Variants in TENM3 observed in about 807,000 individuals in gnomAD.
TENM3 encodes the protein teneurin-3.
TENM3 carries 63 observed loss-of-function variants against 255.1 expected under a neutral mutation model. The observed-to-expected ratio is 0.25, with a 90% CI of 0.20 to 0.30. The LOEUF is 0.30. Ranked by LOEUF, TENM3 falls within the 10% of genes least tolerant of loss-of-function variation. The pLI is 1.00. For synonymous variants in TENM3, 1,306 were observed against 1,322.3 expected (o/e 0.99, Z 0.27); for missense variants, 2,929 against 3,461.1 (o/e 0.85, Z 3.86).
At chr4:181,847,795 G>A in the TENM3 span, among the ~76,000 whole-genome samples, 23 of 151,972 alleles carry the variant, frequency 1.5e-4, no homozygotes, top group African/African-American at 5.5e-4. Context: ...TTGTATATTA[G>A]ACCTAAATTA....
chr4:182,778,066 C>T (rs28369398), intron 24 of TENM3, among the ~76,000 whole-genome samples: 13,066 of 151,990 alleles, frequency 0.086, 1,918 homozygotes, highest in African/African-American at 0.3. Context: ...TACTTGTTTG[C>T]AGCTCATTTT....
At chr4:181,935,386 C>A in the TENM3 span, among the ~76,000 whole-genome samples, 2 of 152,260 alleles carry the variant, frequency 1.3e-5, no homozygotes, top group African/African-American at 4.8e-5. Context: ...TATAAGCCAC[C>A]ATAGCCTGCT....
At chr4:182,133,875 A>G in the TENM3 span, among the ~76,000 whole-genome samples, 1 of 152,228 alleles carries the variant, frequency 6.6e-6, no homozygotes, top group Non-Finnish European at 1.5e-5. Flanking sequence ...TATTTAACCC[A>G]GGGCAATATT....
chr4:181,854,007 T>C, the TENM3 span, among the ~76,000 whole-genome samples: 5 of 152,348 alleles, frequency 3.3e-5, no homozygotes, highest in African/African-American at 1.2e-4. Context: ...CTGATTACAG[T>C]TGGAAGTATA....
At chr4:181,933,679 C>A in the TENM3 span, among the ~76,000 whole-genome samples, 4 of 152,164 alleles carry the variant, frequency 2.6e-5, no homozygotes, top group Non-Finnish European at 5.9e-5. Flanking sequence ...AGCTTGGAAG[C>A]ATTTTGTGAT....
At chr4:182,557,324 G>A (rs1742677684) in intron 3 of TENM3, among the ~76,000 whole-genome samples, 1 of 152,132 alleles carries the variant, frequency 6.6e-6, no homozygotes, top group Non-Finnish European at 1.5e-5. Flanking sequence ...TCGTGTGTGT[G>A]AACTAAGTAC....
At chr4:182,570,841 C>A (rs72701953) in intron 3 of TENM3, among the ~76,000 whole-genome samples, 15,725 of 148,310 alleles carry the variant, frequency 0.11, 1,056 homozygotes, top group Non-Finnish European at 0.15. Flanking sequence ...AAAAAAAAAA[C>A]AAAACAAACA....
In TENM3 at chr4:182,688,220, G is replaced by A. The variant is rs147392905; in HGVS notation, c.2090G>A (p.Arg697His). 2.7e-4 allele frequency: 439 copies of A among 1,613,860 alleles called. 2 individuals carry two copies. In the African/African-American group the frequency reaches 4.1e-3, roughly 15 times the overall value. The change falls in exon 12 of 28, where the codon CGC becomes CAC. Residue 697 changes from arginine to histidine, a missense_variant. Physicochemically the swap from Arg to His is conservative, Grantham distance 29. Around this residue, in one of 6 missense-constraint regions of TENM3, gnomAD observed 1,608 missense variants for 1,884.4 expected, o/e 0.85. Coordinates refer to ENST00000511685, the MANE Select transcript of TENM3 (RefSeq NM_001080477.4). ...SHGVCMGGTC[R>H]CEEGWTGPAC... ...GGCGTTTGCATGGGGGGGACGTGTC[G>A]CTGTGAAGAAGGCTGGACGGGCCCA...
At chr4:182,758,466 C>T (rs1344461098) in intron 22 of TENM3, among the ~76,000 whole-genome samples, 1 of 152,140 alleles carries the variant, frequency 6.6e-6, no homozygotes, top group Non-Finnish European at 1.5e-5. Context: ...TGTCGCTACT[C>T]ATCAGAGCCT....
intron 1 of TENM3, among the ~76,000 whole-genome samples, chr4:182,263,345 C>T (rs1758993146): frequency 6.6e-6 from 1 of 152,030 alleles, no homozygotes; most frequent in African/African-American, 2.4e-5. Context: ...CTTGATCCTG[C>T]CCTCTTAATA....
At chr4:182,141,723 C>G (rs917086518), upstream of TENM3, 14 of 152,194 alleles carry the variant, frequency 9.2e-5, no homozygotes, top group Non-Finnish European at 1.8e-4. Flanking sequence ...AGGAACTGGG[C>G]TAGAGACAGG....
Position 182,291,514 on chromosome 4 carries a change from G to A in TENM3, c.-75-32432G>A, listed in dbSNP as rs544990208. Among the ~76,000 whole-genome samples the A allele has an allele frequency of 2.6e-5, 4 of 152,220 alleles. No homozygotes were observed. In the East Asian group the frequency reaches 5.8e-4, roughly 22 times the overall value. On this transcript the variant is annotated intron_variant, in intron 1 of 27. Coordinates refer to ENST00000511685, the MANE Select transcript of TENM3 (RefSeq NM_001080477.4). ...TGCCCCGCTGTGTGTCCCACGCAGC[G>A]CTGGATGCCTGTACCTCGTCACATC...
chr4:181,713,526 A>G, the TENM3 span, among the ~76,000 whole-genome samples: 4 of 152,158 alleles, frequency 2.6e-5, no homozygotes, highest in Non-Finnish European at 5.9e-5. Context: ...GGTCACTACC[A>G]CCAAAAGTAA....
chr4:182,109,516 G>A, the TENM3 span, among the ~76,000 whole-genome samples: 1 of 152,078 alleles, frequency 6.6e-6, no homozygotes, highest in African/African-American at 2.4e-5. Context: ...TAATTAAAAT[G>A]TTGGCAATTA....
At chr4:182,121,251 G>A in the TENM3 span, among the ~76,000 whole-genome samples, 4 of 152,080 alleles carry the variant, frequency 2.6e-5, no homozygotes, top group African/African-American at 9.7e-5. Flanking sequence ...GCCCAACTCG[G>A]CCTCCCAAAG....
intron 5 of TENM3, among the ~76,000 whole-genome samples, chr4:182,633,074 C>T (rs369085263): frequency 5.9e-5 from 9 of 152,112 alleles, no homozygotes; most frequent in African/African-American, 1.7e-4. Context: ...GGACTACAGG[C>T]ACACACCACC....
chr4:182,037,470 G>A, the TENM3 span, among the ~76,000 whole-genome samples: 1 of 152,074 alleles, frequency 6.6e-6, no homozygotes, highest in African/African-American at 2.4e-5. Flanking sequence ...CAAATATATT[G>A]TAAGTACAGT....
chr4:182,655,767 C>T (rs1753695919), intron 6 of TENM3, among the ~76,000 whole-genome samples: 1 of 152,256 alleles, frequency 6.6e-6, no homozygotes, highest in East Asian at 1.9e-4. Flanking sequence ...AAAACAGTGG[C>T]TTTTAAGCTA....
chr4:182,699,571 C>T (rs1757686858), intron 12 of TENM3, among the ~76,000 whole-genome samples: 3 of 152,042 alleles, frequency 2.0e-5, no homozygotes, highest in Non-Finnish European at 4.4e-5. Flanking sequence ...ATATGCCAGG[C>T]CAGAAATTTA....
Sources: allele counts gnomAD v4.1 joint callset (sites outside exome capture counted in the v4.1 genomes callset), GRCh38; gene constraint gnomAD v4.1.1; regional missense constraint gnomAD v4.1.1; transcripts MANE v1.5; gene names NCBI Gene and HGNC (gene_info 2026-07-23, HGNC 2026-07-21).